DOCK6: variants seen among roughly 807,000 people sequenced by gnomAD.
DOCK6 encodes the protein dedicator of cytokinesis protein 6.
In DOCK6, 167 loss-of-function variants were observed where a neutral mutation model predicts 230.3. That is an observed-to-expected ratio of 0.73 (90% confidence interval 0.64 to 0.82). The LOEUF (loss-of-function observed/expected upper bound fraction) is 0.82. Ranked by LOEUF, DOCK6 falls within the 40% of genes least tolerant of loss-of-function variation. DOCK6 has a pLI of 0.00. For missense variants in DOCK6, 2,598 were observed against 2,825.8 expected (o/e 0.92, Z 1.83); for synonymous variants, 1,148 against 1,185.0 (o/e 0.97, Z 0.64).
chr19:11,217,742 A>G (rs1600879996), intron 28 of DOCK6, among the ~76,000 whole-genome samples: 1 of 146,262 alleles, frequency 6.8e-6, no homozygotes, highest in Admixed American at 6.9e-5. Context: ...TGGGCAACAG[A>G]GCGACACTCT....
At chr19:11,238,507 C>T (rs774348115) in intron 14 of DOCK6, 8 of 578,468 alleles carry the variant, frequency 1.4e-5, no homozygotes, top group East Asian at 2.8e-5. Context: ...GGGGGACAAG[C>T]GAGCACCCTA....
At chr19:11,206,833 GGTTT>G (rs1385695752) in intron 39 of DOCK6, among the ~76,000 whole-genome samples, 42 of 149,736 alleles carry the variant, frequency 2.8e-4, no homozygotes, top group African/African-American at 6.6e-4. Flanking sequence ...GATTTGTGGT[GGTTT>G]TTTTTTTTTT....
At position 11,248,131 on chromosome 19, in the gene DOCK6, A is replaced by G. The variant is rs1462353230; in HGVS notation, c.741T>C (p.Cys247=). Residue 247 remains cysteine, a synonymous_variant, in exon 7 of 48, where the codon TGT becomes TGC. Transcript: ENST00000294618. The part of the protein sequence containing the change: ...APDEDEAVER[C]SRPEPPREHF... ...GCTCGCGGGGTGGCTCTGGGCGGCT[A>G]CAGCGTTCCACGGCTTCATCCTGCC... The G allele has an allele frequency of 6.2e-7, 1 of 1,609,792 alleles. No individual in the cohort carries two copies. The highest frequency in any genetic ancestry group is 8.5e-7 in the Non-Finnish European group (1 of 1,178,220).
At chr19:11,223,180 C>A in intron 24 of DOCK6, 74 bp from the exon 25 acceptor site, 5 of 1,333,928 alleles carry the variant, frequency 3.7e-6, no homozygotes, top group Non-Finnish European at 5.3e-6. Flanking sequence ...TCACCAAGAT[C>A]ATCTGCCACC....
intron 6 of DOCK6, 139 bp downstream of exon 6, chr19:11,250,735 G>C (rs1181087150): frequency 2.5e-6 from 2 of 808,032 alleles, no homozygotes; most frequent in Non-Finnish European, 3.8e-6. Context: ...ATATACAGTA[G>C]GTGCCCAATA....
chr19:11,252,392 A>G, intron 4 of DOCK6, 90 bp downstream of exon 4: 5 of 1,588,024 alleles, frequency 3.1e-6, no homozygotes, highest in East Asian at 2.2e-5. Context: ...TGCAGGGACA[A>G]TGGGCAGATA....
chr19:11,230,126 G>A (rs1475574807), intron 22 of DOCK6, among the ~76,000 whole-genome samples: 6 of 151,622 alleles, frequency 4.0e-5, no homozygotes, highest in Admixed American at 3.9e-4. Context: ...GAGGTCAGGA[G>A]ATCGAGACCA....
At chr19:11,215,566 G>T in intron 31 of DOCK6, 95 bp from the exon 32 acceptor site, 2 of 1,376,002 alleles carry the variant, frequency 1.5e-6, no homozygotes, top group Non-Finnish European at 2.0e-6. Flanking sequence ...ATTCAGGTGG[G>T]CTGACCCATG....
rs2147728031 is a variant in DOCK6, at chr19:11,209,085, CT to C, written c.4769del (p.Gln1590ArgfsTer8). 1.2e-6 allele frequency: 2 copies of C among 1,611,964 alleles called. No individual in the cohort carries two copies. The highest frequency in any genetic ancestry group is 1.7e-6 in the Non-Finnish European group (2 of 1,179,362). On this transcript the variant is annotated frameshift_variant, in exon 38 of 48. Transcript: ENST00000294618. LOFTEE classifies it high-confidence loss of function. Reference protein sequence around the residue: ...DLMYRIARGYQGSPDLRLTWL... With the variant: ...DLMYRIARGYXGSPDLRLTWL... Reference sequence around the variant, plus strand: ...AGGTCAGCCGAAGGTCCGGTGAGCCCTGGTAGCCCCGGGCAATTCTGGAGTC... The same window carrying C: ...AGGTCAGCCGAAGGTCCGGTGAGCCCGGTAGCCCCGGGCAATTCTGGAGTC...
rs1193652450 is a variant in DOCK6, at chr19:11,222,934, G to A, written c.3070-29C>T. On this transcript the variant is annotated intron_variant, in intron 25 of 47. Transcript: ENST00000294618. This position sits in a 1 kb window ranked among gnomAD's most constrained non-coding sequence, Gnocchi z 4.0. ...CAGGAGAGGGGTGGCCATCAGTGAT[G>A]TCAACATTGCTCCGCCTTCCATCCA... The A allele has an allele frequency of 6.2e-7, 1 of 1,612,614 alleles. No individual in the cohort carries two copies. The highest frequency in any genetic ancestry group is 8.5e-7 in the Non-Finnish European group (1 of 1,179,472).
chr19:11,261,203 G>A (rs1337016573), intron 1 of DOCK6, among the ~76,000 whole-genome samples: 1 of 151,746 alleles, frequency 6.6e-6, no homozygotes, highest in African/African-American at 2.4e-5. Flanking sequence ...CTGCCTCAGG[G>A]CCTTTGCACA....
At chr19:11,235,474 C>A in intron 21 of DOCK6, 124 bp downstream of exon 21, 1 of 985,634 alleles carries the variant, frequency 1.0e-6, no homozygotes, top group Non-Finnish European at 1.5e-6. Context: ...TGATCTCGAA[C>A]TCCTGACCTC....
At chr19:11,252,408 T>C (rs1197458266) in intron 4 of DOCK6, 74 bp downstream of exon 4, 1 of 1,595,468 alleles carries the variant, frequency 6.3e-7, no homozygotes, top group Admixed American at 1.7e-5. Context: ...AGATACACAG[T>C]AGGACCGGCT....
In DOCK6 at chr19:11,243,725, C is replaced by T. The variant is rs377289176; in HGVS notation, c.1105-15G>A. 4 of 1,613,824 alleles carry T rather than the reference C, an allele frequency of 2.5e-6. No homozygotes were observed. Among genetic ancestry groups the T allele is most frequent in the Non-Finnish European group, 3.4e-6 (4 of 1,179,812 alleles). On this transcript the variant is annotated splice_polypyrimidine_tract_variant and intron_variant, in intron 10 of 47. Transcript: ENST00000294618. This position sits in a 1 kb window ranked among gnomAD's most constrained non-coding sequence, Gnocchi z 6.3. Reference sequence around the variant, plus strand: ...TTCTCTTTGTTCTGTGGGGAGACCCCGTCCCCTGCCAGCTCAGCATCCTAG... The same window carrying T: ...TTCTCTTTGTTCTGTGGGGAGACCCTGTCCCCTGCCAGCTCAGCATCCTAG...
chr19:11,204,957 A>G (rs139801540), intron 39 of DOCK6, among the ~76,000 whole-genome samples: 24 of 152,196 alleles, frequency 1.6e-4, no homozygotes, highest in African/African-American at 5.8e-4. Flanking sequence ...CTATTCCTCA[A>G]AGAGGAAAGT....
chr19:11,221,236 A>C (rs1271588805), intron 28 of DOCK6: 2 of 153,062 alleles, frequency 1.3e-5, no homozygotes, highest in Non-Finnish European at 2.9e-5. Context: ...CAGTTGGATT[A>C]CAGAGAGGAA....
At chr19:11,229,912 C>T (rs1257457720) in intron 22 of DOCK6, among the ~76,000 whole-genome samples, 1 of 151,730 alleles carries the variant, frequency 6.6e-6, no homozygotes, top group Non-Finnish European at 1.5e-5. Context: ...GGCCTGGTGG[C>T]GTGTGCCTGT....
In DOCK6 at chr19:11,237,762, T is replaced by A; in HGVS notation, c.1850A>T (p.Glu617Val). ...VYHNKSPEFY[E>V]EFKLHLPACV... ...GGCTGGAAGATGCAGCTTGAACTCC[T>A]CGTAGAACTCGGGGGACCTGGCAGA... is the stretch of plus-strand genomic sequence containing the variant. Residue 617 changes from glutamate (E) to valine (V), a missense_variant, in exon 17 of 48, where the codon GAG becomes GTG. Glu to Val is a moderately radical substitution (Grantham distance 121). Transcript: ENST00000294618. 6.4e-7 allele frequency: 1 copy of A among 1,569,620 alleles called. No individual in the cohort carries two copies. Among genetic ancestry groups the A allele is most frequent in the Non-Finnish European group, 8.6e-7 (1 of 1,157,882 alleles).
chr19:11,262,225 C>A (rs1006878275), intron 1 of DOCK6, among the ~76,000 whole-genome samples, 172 bp downstream of exon 1: 2 of 151,994 alleles, frequency 1.3e-5, no homozygotes, highest in African/African-American at 4.8e-5. Context: ...GGGACCCCCG[C>A]GGCCCTCCCC....
Sources: allele counts gnomAD v4.1 joint callset (sites outside exome capture counted in the v4.1 genomes callset), GRCh38; gene constraint gnomAD v4.1.1; non-coding constraint Gnocchi (gnomAD v3.1); transcripts MANE v1.5; gene names NCBI Gene and HGNC (gene_info 2026-07-23, HGNC 2026-07-21).